The following BRD10 variants were observed in gnomAD, a reference collection of about 807,000 sequenced individuals.
BRD10 encodes the protein bromodomain containing 10, also known as uncharacterized bromodomain-containing protein 10.
chr9:5,928,942 T>G, the BRD10 span: 1 of 602,148 alleles, frequency 1.7e-6, no homozygotes, highest in Non-Finnish European at 2.9e-6. Context: ...TCTGCCGAAT[T>G]ACAAATGACT....
At chr9:5,916,700 A>G in the BRD10 span, among the ~76,000 whole-genome samples, 4 of 152,130 alleles carry the variant, frequency 2.6e-5, no homozygotes, top group African/African-American at 9.7e-5. Context: ...CTATTTCAGC[A>G]TCTTTTAACT....
the BRD10 span, chr9:5,968,317 T>TTAA: frequency 6.2e-7 from 1 of 1,610,176 alleles, no homozygotes; most frequent in Non-Finnish European, 8.5e-7. Flanking sequence ...TTTGGCAAGA[T>TTAA]TTTAGAGTAT....
the BRD10 span, chr9:5,988,419 T>C: frequency 6.2e-7 from 1 of 1,613,994 alleles, no homozygotes; most frequent in Non-Finnish European, 8.5e-7. Flanking sequence ...AAACTCCACT[T>C]GTCAAGCCTG....
chr9:6,007,871 C>A, the BRD10 span: 4 of 1,372,428 alleles, frequency 2.9e-6, no homozygotes, highest in African/African-American at 6.2e-5. Flanking sequence ...TTCCTCACGG[C>A]TCGGCCGCGG....
the BRD10 span, among the ~76,000 whole-genome samples, chr9:5,956,376 A>C: frequency 6.6e-6 from 1 of 152,152 alleles, no homozygotes; most frequent in Non-Finnish European, 1.5e-5. Context: ...TATTGGTTAT[A>C]AGCTTGAGTT....
chr9:5,983,001 G>A, the BRD10 span, among the ~76,000 whole-genome samples: 71 of 152,232 alleles, frequency 4.7e-4, no homozygotes, highest in Non-Finnish European at 9.0e-4. Context: ...GAAATATTTG[G>A]GAAATAAGCA....
At chr9:6,002,803 A>C in the BRD10 span, among the ~76,000 whole-genome samples, 1 of 151,520 alleles carries the variant, frequency 6.6e-6, no homozygotes, top group African/African-American at 2.4e-5. Context: ...CAGCCTCCCA[A>C]GTAGCTGGGA....
the BRD10 span, among the ~76,000 whole-genome samples, chr9:5,992,187 T>C: frequency 6.6e-6 from 1 of 152,216 alleles, no homozygotes; most frequent in Non-Finnish European, 1.5e-5. Flanking sequence ...TTGGTAATTA[T>C]CTAACAAAAT....
the BRD10 span, chr9:5,881,606 T>C: frequency 6.6e-6 from 1 of 152,204 alleles, no homozygotes. Context: ...GTAGGAGTTA[T>C]TGAAGGGCTG....
chr9:5,901,128 G>C, the BRD10 span, among the ~76,000 whole-genome samples: 1 of 151,448 alleles, frequency 6.6e-6, no homozygotes, highest in Non-Finnish European at 1.5e-5. Context: ...TGAGTGAGAG[G>C]CTTAAAAAAA....
the BRD10 span, among the ~76,000 whole-genome samples, chr9:5,991,611 G>A: frequency 6.6e-6 from 1 of 151,508 alleles, no homozygotes; most frequent in Non-Finnish European, 1.5e-5. Flanking sequence ...TGTAGTCCAA[G>A]CTACGCGGGA....
chr9:6,008,040 C>A, the BRD10 span: 5 of 1,150,892 alleles, frequency 4.3e-6, no homozygotes, highest in South Asian at 4.1e-5. Context: ...CTCCCCTCCC[C>A]CCCGGCGGCG....
At chr9:5,960,307 A>G in the BRD10 span, among the ~76,000 whole-genome samples, 1 of 152,180 alleles carries the variant, frequency 6.6e-6, no homozygotes, top group South Asian at 2.1e-4. Context: ...CACGCCTGTA[A>G]TCCCAGCACT....
chr9:5,906,086 G>A, the BRD10 span, among the ~76,000 whole-genome samples: 2 of 151,874 alleles, frequency 1.3e-5, no homozygotes, highest in Admixed American at 1.3e-4. Flanking sequence ...GTGCAGTGGT[G>A]CATGCCTATA....
At chr9:5,890,233 C>CA in the BRD10 span, among the ~76,000 whole-genome samples, 2 of 152,188 alleles carry the variant, frequency 1.3e-5, no homozygotes, top group African/African-American at 4.8e-5. Context: ...GTTACAATGA[C>CA]ATGGGCACCT....
chr9:5,882,925 C>T, the BRD10 span, among the ~76,000 whole-genome samples: 11 of 152,100 alleles, frequency 7.2e-5, no homozygotes, highest in African/African-American at 2.2e-4. Flanking sequence ...AACCAAACAC[C>T]GCGTGTTCTC....
the BRD10 span, among the ~76,000 whole-genome samples, chr9:5,944,186 T>G: frequency 6.6e-6 from 1 of 152,190 alleles, no homozygotes; most frequent in African/African-American, 2.4e-5. Flanking sequence ...GGTATGTAAT[T>G]GTGTTTAAAA....
chr9:5,917,748 G>C, the BRD10 span, among the ~76,000 whole-genome samples: 1 of 152,192 alleles, frequency 6.6e-6, no homozygotes, highest in Non-Finnish European at 1.5e-5. Flanking sequence ...AGCTACTCAG[G>C]AGGCTGAGGT....
At chr9:5,905,043 G>A in the BRD10 span, among the ~76,000 whole-genome samples, 4 of 152,110 alleles carry the variant, frequency 2.6e-5, no homozygotes, top group South Asian at 2.1e-4. Flanking sequence ...AAAGTGCTGC[G>A]ATTACAGGTG....
Sources: allele counts gnomAD v4.1 joint callset (sites outside exome capture counted in the v4.1 genomes callset), GRCh38; gene constraint gnomAD v4.1.1; transcripts MANE v1.5; gene names NCBI Gene and HGNC (gene_info 2026-07-23, HGNC 2026-07-21).